MTUS2: variants seen among roughly 807,000 people sequenced by gnomAD.
The protein encoded by MTUS2 is microtubule associated scaffold protein 2, also known as microtubule-associated tumor suppressor candidate 2.
MTUS2 carries 40 observed loss-of-function variants against 114.1 expected under a neutral mutation model. The ratio of observed to expected loss-of-function variants is 0.35; its 90% CI spans 0.27 to 0.46. The LOEUF (loss-of-function observed/expected upper bound fraction) is 0.46, where lower values mean the gene tolerates loss of function less well. MTUS2 is among the 20% of genes least tolerant of loss of function. The pLI, the probability that MTUS2 is intolerant of heterozygous loss-of-function variation, is 1.00. For missense variants in MTUS2, 1,679 were observed against 1,705.4 expected (o/e 0.98, Z 0.27); for synonymous variants, 688 against 672.0 (o/e 1.02, Z -0.37).
At chr13:28,860,407 A>C (rs1350584998) in intron 2 of MTUS2, among the ~76,000 whole-genome samples, 2 of 152,198 alleles carry the variant, frequency 1.3e-5, no homozygotes, top group Non-Finnish European at 2.9e-5. Context: ...TACCATCACC[A>C]GGCCGGAATG....
intron 4 of MTUS2, among the ~76,000 whole-genome samples, chr13:29,075,221 C>T (rs1889134598): frequency 6.6e-6 from 1 of 152,166 alleles, no homozygotes; most frequent in Non-Finnish European, 1.5e-5. Flanking sequence ...GCTGCCCCCT[C>T]CCATTTGTAA....
At chr13:28,963,023 A>G (rs1488103784) in intron 2 of MTUS2, among the ~76,000 whole-genome samples, 1 of 152,154 alleles carries the variant, frequency 6.6e-6, no homozygotes, top group African/African-American at 2.4e-5. Context: ...TTTTTGTAGA[A>G]GTTTATATTT....
At chr13:29,424,348 A>G (rs1876347592) in intron 8 of MTUS2, among the ~76,000 whole-genome samples, 1 of 146,166 alleles carries the variant, frequency 6.8e-6, no homozygotes, top group African/African-American at 2.5e-5. Context: ...ATATGTATCA[A>G]TTTAAAAATG....
chr13:29,007,442 G>A (rs1257407519), intron 2 of MTUS2, among the ~76,000 whole-genome samples: 1 of 152,160 alleles, frequency 6.6e-6, no homozygotes, highest in Non-Finnish European at 1.5e-5. Flanking sequence ...TATCTTTACA[G>A]CAGGGGAGAA....
At chr13:29,123,021 T>G (rs1258645739) in intron 5 of MTUS2, among the ~76,000 whole-genome samples, 1 of 152,226 alleles carries the variant, frequency 6.6e-6, no homozygotes, top group Non-Finnish European at 1.5e-5. Context: ...GGAAATAATT[T>G]AAAAACTATG....
chr13:29,084,791 C>CG (rs1565999331), intron 4 of MTUS2, among the ~76,000 whole-genome samples: 4 of 132,884 alleles, frequency 3.0e-5, no homozygotes, highest in Non-Finnish European at 3.3e-5. Flanking sequence ...ACCCCCCCCC[C>CG]TCACCGTTGG....
intron 7 of MTUS2, chr13:29,339,726 G>A (rs542547278): frequency 1.3e-4 from 23 of 182,300 alleles, no homozygotes; most frequent in Non-Finnish European, 2.0e-4. Flanking sequence ...CTCTGGATAC[G>A]GGCATAGTCC....
intron 2 of MTUS2, among the ~76,000 whole-genome samples, chr13:28,984,367 G>T (rs1343977415): frequency 6.6e-6 from 1 of 151,982 alleles, no homozygotes; most frequent in Non-Finnish European, 1.5e-5. Context: ...GGAAATTTTG[G>T]TTTCTTCCTA....
intron 8 of MTUS2, among the ~76,000 whole-genome samples, chr13:29,367,166 G>A (rs1415953648): frequency 1.3e-5 from 2 of 152,116 alleles, no homozygotes; most frequent in East Asian, 3.9e-4. Context: ...TGTCAAGCAG[G>A]CAGGGTACCT....
chr13:29,436,858 A>G (rs1267040466), intron 8 of MTUS2, among the ~76,000 whole-genome samples: 7 of 144,838 alleles, frequency 4.8e-5, no homozygotes, highest in Admixed American at 2.1e-4. Flanking sequence ...GTTTCCATCA[A>G]TCTTATTTGT....
At chr13:29,182,358 C>T (rs1467923639) in intron 5 of MTUS2, among the ~76,000 whole-genome samples, 1 of 152,232 alleles carries the variant, frequency 6.6e-6, no homozygotes, top group Non-Finnish European at 1.5e-5. Context: ...TTGCAAGGGA[C>T]TGTCTGTAAA....
rs1020991423 is a variant in MTUS2, at chr13:29,503,316, T to G, written c.*110T>G. Reference sequence around the variant, plus strand: ...TGGCCCTGTGCGCATGCTCAGTAGCTGCGAATGCATCCTAGGCGCGTCCTC... The same window carrying G: ...TGGCCCTGTGCGCATGCTCAGTAGCGGCGAATGCATCCTAGGCGCGTCCTC... On this transcript the variant is annotated 3_prime_UTR_variant, in exon 16 of 16. Coordinates refer to ENST00000612955, the MANE Select transcript of MTUS2 (RefSeq NM_001033602.4). 3 of 1,222,662 alleles carry G rather than the reference T, an allele frequency of 2.5e-6. No homozygotes were observed. The Admixed American group carries it at 5.9e-5, about 24-fold the overall frequency. The allele number at this position is 1,222,662 out of a possible 1,614,324, so 75.7% of individuals were successfully genotyped here.
At chr13:29,466,044 T>C (rs61119342) in intron 9 of MTUS2, among the ~76,000 whole-genome samples, 3,458 of 152,294 alleles carry the variant, frequency 0.023, 116 homozygotes, top group African/African-American at 0.074. Flanking sequence ...AGCCAGGACA[T>C]CCAGCATCTG....
At chr13:29,392,322 C>CAGT (rs1873566810) in intron 8 of MTUS2, among the ~76,000 whole-genome samples, 1 of 152,040 alleles carries the variant, frequency 6.6e-6, no homozygotes, top group Non-Finnish European at 1.5e-5. Flanking sequence ...AGTGGAATGA[C>CAGT]AGTGTTTGTC....
chr13:29,046,992 G>T (rs746418869), intron 4 of MTUS2, among the ~76,000 whole-genome samples: 1 of 152,188 alleles, frequency 6.6e-6, no homozygotes, highest in Non-Finnish European at 1.5e-5. Flanking sequence ...CAGGACTTGC[G>T]TCAGGAATAA....
chr13:29,033,967 C>T lies in MTUS2; in HGVS notation c.2288C>T (p.Ala763Val). 1 of 1,614,002 alleles carries T rather than the reference C, an allele frequency of 6.2e-7. No individual in the cohort carries two copies. Among genetic ancestry groups the T allele is most frequent in the Non-Finnish European group, 8.5e-7 (1 of 1,179,886 alleles). The change falls in exon 4 of 16, where the codon GCC (alanine) becomes GTC (valine). Residue 763 changes from alanine (A) to valine (V), a missense_variant. Coordinates refer to ENST00000612955, the MANE Select transcript of MTUS2 (RefSeq NM_001033602.4). ...GTCCCTCCAACTTTCTATCGGTCAG[C>T]CATGCTCCTTAAGCCCCAGCTAGGA... Reference protein sequence around the residue: ...YEVPPTFYRSAMLLKPQLGLG... With the variant: ...YEVPPTFYRSVMLLKPQLGLG...
rs550659679 is a variant in MTUS2, at chr13:29,024,673, C to G, written c.-26C>G. The G allele has an allele frequency of 4.4e-6, 7 of 1,607,700 alleles. No homozygotes were observed. In the South Asian group the frequency reaches 7.8e-5, roughly 18 times the overall value. ...ATTTCCATTAAGTAGGACTGCATGG[C>G]AAGCAGCCCCACCAAAGGGTTGACA... On this transcript the variant is annotated 5_prime_UTR_variant, in exon 3 of 16. Coordinates refer to ENST00000612955, the MANE Select transcript of MTUS2 (RefSeq NM_001033602.4).
At chr13:29,052,484 G>GAAAAGA (rs1231391465) in intron 4 of MTUS2, among the ~76,000 whole-genome samples, 17 of 150,432 alleles carry the variant, frequency 1.1e-4, no homozygotes, top group African/African-American at 3.9e-4. Context: ...AAAAGAAAAG[G>GAAAAGA]AAAAGAAAAA....
At chr13:29,255,490 A>C (rs1272652326) in intron 5 of MTUS2, among the ~76,000 whole-genome samples, 2 of 152,196 alleles carry the variant, frequency 1.3e-5, no homozygotes, top group East Asian at 3.8e-4. Flanking sequence ...TTTCTATGGC[A>C]GTTTTACATT....
Sources: gnomAD v4.1 joint callset for allele counts (sites outside exome capture counted in the v4.1 genomes callset) on GRCh38, gnomAD v4.1.1 for gene constraint, MANE v1.5 for transcripts, NCBI Gene and HGNC (gene_info 2026-07-23, HGNC 2026-07-21) for gene names.